The following IQCM variants were observed in gnomAD, a reference collection of about 807,000 sequenced individuals.
IQCM encodes IQ motif containing M, also known as IQ domain-containing protein M.
A neutral mutation model predicts 57.6 loss-of-function variants in IQCM; 45 were observed. That is an observed-to-expected ratio of 0.78 (90% CI 0.62 to 1.00). IQCM has a LOEUF of 1.00. Among genes scored for constraint, IQCM ranks in the 50% least tolerant of loss-of-function variants. The pLI is 0.00. For missense variants in IQCM, 468 were observed against 511.6 expected (o/e 0.91, Z 0.82); for synonymous variants, 148 against 158.9 (o/e 0.93, Z 0.51).
intron 8 of IQCM, among the ~76,000 whole-genome samples, chr4:149,609,616 C>T (rs1185419584): frequency 6.6e-6 from 1 of 151,946 alleles, no homozygotes; most frequent in African/African-American, 2.4e-5. Context: ...ATCATACCAA[C>T]AGAATGAAGG....
At chr4:149,675,182 G>A (rs1011956351) in intron 7 of IQCM, among the ~76,000 whole-genome samples, 36 of 152,052 alleles carry the variant, frequency 2.4e-4, no homozygotes, top group African/African-American at 7.0e-4. Context: ...GAAAAGATTA[G>A]TGTTACAGAA....
intron 13 of IQCM, among the ~76,000 whole-genome samples, chr4:149,365,684 C>A (rs1176996543): frequency 6.6e-6 from 1 of 152,046 alleles, no homozygotes; most frequent in Non-Finnish European, 1.5e-5. Context: ...GGACACTTCA[C>A]CTCTGTGATA....
intron 7 of IQCM, among the ~76,000 whole-genome samples, chr4:149,628,000 T>C (rs1756957584): frequency 6.6e-6 from 1 of 152,200 alleles, no homozygotes; most frequent in South Asian, 2.1e-4. Context: ...GATTCTTCCC[T>C]AGCATCTCTG....
At chr4:149,599,740 C>CT (rs1443101517) in intron 8 of IQCM, among the ~76,000 whole-genome samples, 2 of 152,106 alleles carry the variant, frequency 1.3e-5, no homozygotes, top group Non-Finnish European at 2.9e-5. Flanking sequence ...TTTGTGTATG[C>CT]TTTGGAAACT....
At chr4:149,776,844 TATA>T (rs565598272) in intron 2 of IQCM, among the ~76,000 whole-genome samples, 179 of 152,040 alleles carry the variant, frequency 1.2e-3, no homozygotes, top group African/African-American at 4.2e-3. Context: ...TTCAAGAGTC[TATA>T]ATAAAATAAT....
chr4:149,534,589 T>C (rs748226500), intron 12 of IQCM, among the ~76,000 whole-genome samples: 11 of 152,210 alleles, frequency 7.2e-5, no homozygotes, highest in Non-Finnish European at 1.0e-4. Context: ...TAAGGAATCA[T>C]TGACGAGAAT....
At chr4:149,479,605 C>T (rs1041200905) in intron 12 of IQCM, among the ~76,000 whole-genome samples, 2 of 152,198 alleles carry the variant, frequency 1.3e-5, no homozygotes, top group African/African-American at 4.8e-5. Context: ...ATTAAGAATT[C>T]AAGGAGTTCC....
chr4:149,410,533 T>A (rs999564864), intron 13 of IQCM, among the ~76,000 whole-genome samples: 7 of 151,154 alleles, frequency 4.6e-5, no homozygotes, highest in Non-Finnish European at 7.4e-5. Context: ...AATATTTTCA[T>A]TTTGTAATTT....
intron 12 of IQCM, among the ~76,000 whole-genome samples, chr4:149,457,614 T>C (rs1164032113): frequency 6.6e-6 from 1 of 152,008 alleles, no homozygotes; most frequent in Non-Finnish European, 1.5e-5. Context: ...AAAAGACTTA[T>C]CAGAGGTTGG....
intron 2 of IQCM, among the ~76,000 whole-genome samples, chr4:149,762,828 C>A (rs1769663958): frequency 6.6e-6 from 1 of 152,028 alleles, no homozygotes; most frequent in Non-Finnish European, 1.5e-5. Flanking sequence ...ATTTGAATCA[C>A]CTTTCCTAAT....
chr4:149,787,296 T>C (rs918641110), intron 2 of IQCM, among the ~76,000 whole-genome samples: 1 of 151,552 alleles, frequency 6.6e-6, no homozygotes, highest in African/African-American at 2.4e-5. Flanking sequence ...TTTTTTTTTT[T>C]AGAAGAAATA....
intron 12 of IQCM, among the ~76,000 whole-genome samples, chr4:149,443,312 T>C (rs1006502252): frequency 2.0e-5 from 3 of 152,062 alleles, no homozygotes; most frequent in African/African-American, 4.8e-5. Flanking sequence ...CTGGAAATCA[T>C]AGTCTAGTCA....
intron 12 of IQCM, among the ~76,000 whole-genome samples, chr4:149,463,090 A>G (rs1174396428): frequency 2.0e-5 from 3 of 152,224 alleles, no homozygotes; most frequent in African/African-American, 7.2e-5. Context: ...GCCTCTGGTT[A>G]GGAAAAATTT....
intron 12 of IQCM, among the ~76,000 whole-genome samples, chr4:149,516,213 T>C (rs1744950531): frequency 6.6e-6 from 1 of 152,138 alleles, no homozygotes; most frequent in African/African-American, 2.4e-5. Flanking sequence ...GGTAGGTTGA[T>C]TATATTGGAC....
chr4:149,405,889 CATATAT>C lies in IQCM; in HGVS notation c.1390+27501_1390+27506del, dbSNP rs10595442. The stretch of plus-strand genomic sequence containing the variant: ...CTCTCTCCATATATATATATATCTT[CATATAT>C]ATATATATATATATTTATCTCCATA... On this transcript the variant is annotated intron_variant, in intron 13 of 13. Coordinates refer to ENST00000636793, the MANE Select transcript of IQCM (RefSeq NM_001363507.2). 2.5e-3 allele frequency among the ~76,000 whole-genome samples: 350 copies of C among 142,120 alleles called. 2 individuals are homozygous for C. The highest frequency in any genetic ancestry group is 5.0e-3 in the African/African-American group (196 of 38,844). 93.2% of individuals were successfully genotyped at this position (142,120 alleles called of 152,430 possible).
chr4:149,535,897 A>G (rs1055290193), intron 12 of IQCM, among the ~76,000 whole-genome samples: 2 of 152,036 alleles, frequency 1.3e-5, no homozygotes, highest in Non-Finnish European at 2.9e-5. Context: ...AATAGGCTTT[A>G]CACAGCTATT....
chr4:149,468,069 C>A (rs1023819769), intron 12 of IQCM, among the ~76,000 whole-genome samples: 1 of 152,128 alleles, frequency 6.6e-6, no homozygotes, highest in Admixed American at 6.6e-5. Flanking sequence ...CAGCTCCCAG[C>A]GTGAGTGACG....
chr4:149,703,878 G>T (rs1233244884), intron 5 of IQCM, among the ~76,000 whole-genome samples: 2 of 151,746 alleles, frequency 1.3e-5, no homozygotes, highest in Admixed American at 6.6e-5. Context: ...AATTAATAAG[G>T]TTCTAACGTT....
intron 12 of IQCM, among the ~76,000 whole-genome samples, chr4:149,481,705 T>TTTTTTTTTTTTTTTTG (rs1560895919): frequency 5.3e-5 from 7 of 133,148 alleles, no homozygotes; most frequent in African/African-American, 1.1e-4. Context: ...AGTTTTGTTT[T>TTTTTTTTTTTTTTTTG]TTTTTTTTTT....
Sources: allele counts gnomAD v4.1 joint callset (sites outside exome capture counted in the v4.1 genomes callset), GRCh38; gene constraint gnomAD v4.1.1; transcripts MANE v1.5; gene names NCBI Gene and HGNC (gene_info 2026-07-23, HGNC 2026-07-21).